Variants in PLCZ1 observed in about 807,000 individuals in gnomAD.
The protein encoded by PLCZ1 is 1-phosphatidylinositol 4,5-bisphosphate phosphodiesterase zeta-1.
Under a neutral mutation model 76.8 loss-of-function variants are expected in PLCZ1, and 64 were observed. The ratio of observed to expected loss-of-function variants is 0.83; its 90% CI spans 0.68 to 1.03. The LOEUF is 1.03. PLCZ1 is among the 50% of genes least tolerant of loss of function. The pLI, the probability that PLCZ1 is intolerant of heterozygous loss-of-function variation, is 0.00. For synonymous variants in PLCZ1, 248 were observed against 230.8 expected (o/e 1.07, Z -0.68); for missense variants, 751 against 713.7 (o/e 1.05, Z -0.60).
chr12:18,699,674 T>TA (rs1341262916), intron 10 of PLCZ1, 120 bp downstream of exon 10: 1 of 1,101,168 alleles, frequency 9.1e-7, no homozygotes, highest in Non-Finnish European at 1.4e-6. Context: ...TAAATTATGT[T>TA]AAATGTGTTG....
chr12:18,684,344 A>G, intron 13 of PLCZ1, 65 bp from the exon 14 acceptor site: 4 of 1,477,412 alleles, frequency 2.7e-6, no homozygotes, highest in South Asian at 2.4e-5. Flanking sequence ...AATAGATTAC[A>G]TTTGTTCTCC....
the PLCZ1 span, among the ~76,000 whole-genome samples, chr12:18,663,531 T>C: frequency 6.6e-6 from 1 of 152,094 alleles, no homozygotes; most frequent in Non-Finnish European, 1.5e-5. Context: ...GATTTTGATA[T>C]CCATAGGAGG....
chr12:18,656,045 A>G, the PLCZ1 span, among the ~76,000 whole-genome samples: 5 of 152,208 alleles, frequency 3.3e-5, 1 homozygote, highest in Admixed American at 1.3e-4. Context: ...ATTGTGACAA[A>G]TTCTAATATA....
At chr12:18,653,293 T>A in the PLCZ1 span, among the ~76,000 whole-genome samples, 1 of 152,158 alleles carries the variant, frequency 6.6e-6, no homozygotes, top group Non-Finnish European at 1.5e-5. Flanking sequence ...GATTTGATAT[T>A]ACATAGGAAA....
the PLCZ1 span, among the ~76,000 whole-genome samples, chr12:18,658,600 G>A: frequency 1.3e-5 from 2 of 151,892 alleles, no homozygotes; most frequent in African/African-American, 4.8e-5. Context: ...GAAAAATAAA[G>A]GAGAATTTTT....
intron 2 of PLCZ1, 79 bp downstream of exon 2, chr12:18,737,282 G>A (rs974796929): frequency 1.2e-5 from 18 of 1,499,172 alleles, no homozygotes; most frequent in African/African-American, 6.9e-5. Flanking sequence ...AGAACTCCTC[G>A]AAAAGAATAA....
chr12:18,737,535 G>C (rs1565750743), intron 1 of PLCZ1, 26 bp from the exon 2 acceptor site: 27 of 877,622 alleles, frequency 3.1e-5, no homozygotes, highest in Non-Finnish European at 1.7e-5. Context: ...AGAACACACA[G>C]TGGTTTTTTT....
At chr12:18,700,776 A>G (rs1257576141) in intron 9 of PLCZ1, among the ~76,000 whole-genome samples, 1 of 152,118 alleles carries the variant, frequency 6.6e-6, no homozygotes, top group Admixed American at 6.6e-5. Context: ...TATTTAAACC[A>G]GCTGGATTGG....
At chr12:18,662,350 G>A in the PLCZ1 span, among the ~76,000 whole-genome samples, 2 of 151,880 alleles carry the variant, frequency 1.3e-5, no homozygotes, top group African/African-American at 4.8e-5. Flanking sequence ...ACAAAATTGA[G>A]GGAGAAATTA....
At chr12:18,671,477 T>C in the PLCZ1 span, among the ~76,000 whole-genome samples, 39 of 152,016 alleles carry the variant, frequency 2.6e-4, no homozygotes, top group Admixed American at 2.6e-3. Flanking sequence ...CTAAAGAAGA[T>C]CACACATGAG....
chr12:18,678,192 C>T (rs1171956512), downstream of PLCZ1, among the ~76,000 whole-genome samples: 1 of 152,026 alleles, frequency 6.6e-6, no homozygotes, highest in Non-Finnish European at 1.5e-5. Flanking sequence ...TCACCTGATC[C>T]AATTAGAGGT....
chr12:18,674,140 T>C, the PLCZ1 span, among the ~76,000 whole-genome samples: 1 of 152,206 alleles, frequency 6.6e-6, no homozygotes, highest in Non-Finnish European at 1.5e-5. Context: ...GGGAAAAGCA[T>C]ATAGAAACAC....
chr12:18,694,903 A>G lies in PLCZ1; in HGVS notation c.1461+7T>C, dbSNP rs762736516. On this transcript the variant is annotated splice_region_variant and intron_variant, in intron 12 of 14. Coordinates refer to ENST00000266505, the MANE Select transcript of PLCZ1 (RefSeq NM_033123.4). The stretch of plus-strand genomic sequence containing the variant: ...AAAAAATGTAAAAGAAAATTTATTA[A>G]TCTTACCCTTATTGTAAGTGTAATT... 87 of 1,575,358 alleles carry G rather than the reference A, an allele frequency of 5.5e-5. 1 individual carries two copies. The highest frequency in any genetic ancestry group is 4.8e-4 in the South Asian group (43 of 89,160).
intron 7 of PLCZ1, among the ~76,000 whole-genome samples, chr12:18,704,135 C>T (rs558488791): frequency 2.0e-5 from 3 of 151,792 alleles, no homozygotes; most frequent in Non-Finnish European, 2.9e-5. Flanking sequence ...AAGTGGAGGT[C>T]GACAGTATTG....
chr12:18,719,693 A>T, intron 4 of PLCZ1, 61 bp from the exon 5 acceptor site: 1 of 1,155,546 alleles, frequency 8.7e-7, no homozygotes, highest in South Asian at 1.5e-5. Flanking sequence ...AAGATAAAAA[A>T]CTACATCTCA....
intron 12 of PLCZ1, chr12:18,693,862 G>A (rs2137153273): frequency 2.0e-6 from 3 of 1,532,854 alleles, no homozygotes; most frequent in Non-Finnish European, 2.7e-6. Flanking sequence ...AGACGAAGAA[G>A]CCCATCTTTC....
chr12:18,717,676 A>G (rs1958141842), intron 5 of PLCZ1, among the ~76,000 whole-genome samples: 1 of 152,150 alleles, frequency 6.6e-6, no homozygotes, highest in South Asian at 2.1e-4. Flanking sequence ...TTGGGCTTCA[A>G]CATCTCAGCC....
chr12:18,657,167 G>A, the PLCZ1 span, among the ~76,000 whole-genome samples: 1 of 152,132 alleles, frequency 6.6e-6, no homozygotes, highest in Non-Finnish European at 1.5e-5. Context: ...AATATTTATA[G>A]GCAGATGTAT....
chr12:18,700,456 C>T (rs1592110075), intron 9 of PLCZ1, among the ~76,000 whole-genome samples: 1 of 131,336 alleles, frequency 7.6e-6, no homozygotes, highest in African/African-American at 2.7e-5. Context: ...TTTGCATTCC[C>T]CTAGCAACAG....
Sources: gnomAD v4.1 joint callset for allele counts (sites outside exome capture counted in the v4.1 genomes callset) on GRCh38, gnomAD v4.1.1 for gene constraint, MANE v1.5 for transcripts, NCBI Gene and HGNC (gene_info 2026-07-23, HGNC 2026-07-21) for gene names.